The following DLG2 variants were observed in gnomAD, a reference collection of about 807,000 sequenced individuals.
The protein encoded by DLG2 is disks large homolog 2.
In DLG2, 45 loss-of-function variants were observed where a neutral mutation model predicts 132.5. That is an observed-to-expected ratio of 0.34 (90% CI 0.27 to 0.44). The LOEUF (loss-of-function observed/expected upper bound fraction) is 0.44, where lower values mean the gene tolerates loss of function less well. Ranked by LOEUF, DLG2 falls within the 20% of genes least tolerant of loss-of-function variation. DLG2 has a pLI of 1.00. For synonymous variants in DLG2, 424 were observed against 419.6 expected, an observed-to-expected ratio of 1.01 and a Z score of -0.13; for missense variants, 1,045 against 1,196.9, an observed-to-expected ratio of 0.87 and a Z score of 1.87.
intron 8 of DLG2, among the ~76,000 whole-genome samples, chr11:84,179,267 C>T (rs891164110): frequency 1.3e-5 from 2 of 152,060 alleles, no homozygotes; most frequent in African/African-American, 4.8e-5. Context: ...TTAGAAGTTG[C>T]CATTCTGTTC....
chr11:84,845,582 G>A (rs1231025856), intron 6 of DLG2, among the ~76,000 whole-genome samples: 3 of 151,648 alleles, frequency 2.0e-5, no homozygotes, highest in African/African-American at 7.3e-5. Flanking sequence ...ATGGACATCT[G>A]TTTGTCTTTA....
intron 12 of DLG2, among the ~76,000 whole-genome samples, chr11:83,975,443 A>G (rs1374470380): frequency 6.6e-6 from 1 of 152,008 alleles, no homozygotes. Flanking sequence ...AACATATACC[A>G]TGTATTTGGG....
rs114822548 is a variant in DLG2, at chr11:85,362,886, T to C, written c.41-77521A>G. On this transcript the variant is annotated intron_variant, in intron 3 of 27. Coordinates refer to ENST00000376104, the MANE Select transcript of DLG2 (RefSeq NM_001142699.3). ...AGGAATAAAGTTGAGGAGCAGCCTT[T>C]AATAAAAGCAAAATTTTCTCTCTAA... Among the ~76,000 whole-genome samples the C allele has an allele frequency of 2.9e-3, 442 of 152,268 alleles. 1 individual carries two copies. The highest frequency in any genetic ancestry group is 0.01 in the African/African-American group (428 of 41,554).
intron 6 of DLG2, among the ~76,000 whole-genome samples, chr11:85,054,273 AAAAG>A (rs1315025387): frequency 1.9e-4 from 29 of 152,132 alleles, no homozygotes; most frequent in Non-Finnish European, 4.0e-4. Context: ...AAAAAAAAAA[AAAAG>A]AAAGAAAAGA....
intron 18 of DLG2, among the ~76,000 whole-genome samples, chr11:83,670,877 C>T (rs1242766219): frequency 6.6e-6 from 1 of 152,050 alleles, no homozygotes; most frequent in Non-Finnish European, 1.5e-5. Flanking sequence ...TTAAAATATT[C>T]TCCTTAAAAA....
chr11:84,514,546 G>A (rs1469753875), intron 7 of DLG2, among the ~76,000 whole-genome samples: 5 of 151,896 alleles, frequency 3.3e-5, no homozygotes, highest in African/African-American at 1.2e-4. Context: ...CTCAAGCCAG[G>A]CACAGAAAGA....
At chr11:85,180,415 A>C (rs2079612796) in intron 4 of DLG2, among the ~76,000 whole-genome samples, 1 of 151,840 alleles carries the variant, frequency 6.6e-6, no homozygotes, top group Non-Finnish European at 1.5e-5. Flanking sequence ...GGCAAACCAC[A>C]AAGTCCTTTC....
At chr11:85,222,210 C>T (rs2152611482) in intron 4 of DLG2, among the ~76,000 whole-genome samples, 1 of 152,244 alleles carries the variant, frequency 6.6e-6, no homozygotes, top group Non-Finnish European at 1.5e-5. Flanking sequence ...AAGTGATCCG[C>T]CTGTCTTGGC....
intron 6 of DLG2, among the ~76,000 whole-genome samples, chr11:84,995,417 G>T (rs1333177067): frequency 6.6e-6 from 1 of 152,120 alleles, no homozygotes; most frequent in Non-Finnish European, 1.5e-5. Flanking sequence ...TCAATTAACA[G>T]TGCTCATCAT....
chr11:84,456,334 T>C (rs1330910636), intron 7 of DLG2, among the ~76,000 whole-genome samples: 1 of 151,290 alleles, frequency 6.6e-6, no homozygotes, highest in African/African-American at 2.4e-5. Flanking sequence ...AATAGACTTG[T>C]GTTTCTTTTT....
At chr11:84,420,265 T>A (rs2098944120) in intron 7 of DLG2, among the ~76,000 whole-genome samples, 1 of 152,236 alleles carries the variant, frequency 6.6e-6, no homozygotes, top group Admixed American at 6.5e-5. Context: ...TATGCAAGAC[T>A]GCAAGAGCCG....
chr11:84,653,803 T>C (rs1013932893), intron 6 of DLG2, among the ~76,000 whole-genome samples: 2 of 152,190 alleles, frequency 1.3e-5, no homozygotes, highest in African/African-American at 4.8e-5. Context: ...CTTGGCTCTT[T>C]CATGCAATAA....
intron 21 of DLG2, among the ~76,000 whole-genome samples, chr11:83,503,452 T>TACACACAC (rs1161538666): frequency 1.5e-5 from 2 of 133,764 alleles, no homozygotes; most frequent in Non-Finnish European, 3.2e-5. Context: ...TATATATTTA[T>TACACACAC]ACACACACAC....
chr11:85,411,356 A>G (rs1454578034), intron 3 of DLG2, among the ~76,000 whole-genome samples: 1 of 151,894 alleles, frequency 6.6e-6, no homozygotes, highest in African/African-American at 2.4e-5. Flanking sequence ...GACACTTACA[A>G]AAGTAGTCTA....
At chr11:83,466,682 G>T in intron 26 of DLG2, 26 bp downstream of exon 26, 1 of 1,327,660 alleles carries the variant, frequency 7.5e-7, no homozygotes, top group South Asian at 1.2e-5. Context: ...TCAGTTGGAT[G>T]AAGGCCTCCA....
At chr11:84,436,957 C>A (rs1246640314) in intron 7 of DLG2, among the ~76,000 whole-genome samples, 5 of 152,110 alleles carry the variant, frequency 3.3e-5, no homozygotes, top group Non-Finnish European at 7.4e-5. Context: ...CACTGTAACA[C>A]ATGTACTAGA....
chr11:84,377,484 G>C (rs1386604489), intron 7 of DLG2, among the ~76,000 whole-genome samples: 1 of 151,776 alleles, frequency 6.6e-6, no homozygotes, highest in African/African-American at 2.4e-5. Context: ...AAGACAAATT[G>C]GTAACTTTCT....
At chr11:85,198,920 C>T (rs528340663) in intron 4 of DLG2, among the ~76,000 whole-genome samples, 122 of 152,230 alleles carry the variant, frequency 8.0e-4, no homozygotes, top group African/African-American at 2.9e-3. Context: ...GCCAAAAGTT[C>T]CTCTGTTATC....
At chr11:85,499,466 C>G (rs898393275) in intron 3 of DLG2, among the ~76,000 whole-genome samples, 1 of 151,878 alleles carries the variant, frequency 6.6e-6, no homozygotes, top group African/African-American at 2.4e-5. Flanking sequence ...GCCTACCAAC[C>G]AAAAAAAGTC....
Sources: allele counts gnomAD v4.1 joint callset (sites outside exome capture counted in the v4.1 genomes callset), GRCh38; gene constraint gnomAD v4.1.1; transcripts MANE v1.5; gene names NCBI Gene and HGNC (gene_info 2026-07-23, HGNC 2026-07-21).